TSPAN9: variants seen among roughly 807,000 people sequenced by gnomAD.
TSPAN9 encodes tetraspanin 9, also known as tetraspanin-9.
In TSPAN9, 16 loss-of-function variants were observed where a neutral mutation model predicts 31.0. The ratio of observed to expected loss-of-function variants is 0.52; its 90% confidence interval spans 0.35 to 0.78. The LOEUF (loss-of-function observed/expected upper bound fraction) is 0.78. TSPAN9 is among the 30% of genes least tolerant of loss of function. The probability of loss-of-function intolerance (pLI) is 0.01; values close to 1 mark genes in which losing one functional copy is unlikely to be tolerated. For synonymous variants in TSPAN9, 145 were observed against 121.6 expected, an observed-to-expected ratio of 1.19 and a Z score of -1.27; for missense variants, 272 against 312.5, an observed-to-expected ratio of 0.87 and a Z score of 0.98.
intron 3 of TSPAN9, among the ~76,000 whole-genome samples, chr12:3,270,730 G>C (rs572153628): frequency 6.6e-6 from 1 of 152,262 alleles, no homozygotes; most frequent in Non-Finnish European, 1.5e-5. Context: ...CCCCTGGAGG[G>C]GGGTAGGGGC....
At chr12:3,109,228 T>G (rs141599793) in intron 2 of TSPAN9, among the ~76,000 whole-genome samples, 3,414 of 148,822 alleles carry the variant, frequency 0.023, 94 homozygotes, top group African/African-American at 0.058. Flanking sequence ...GAGCCACCGC[T>G]CCTGGCCAGG....
intron 2 of TSPAN9, among the ~76,000 whole-genome samples, chr12:3,182,938 T>C (rs1336637069): frequency 6.6e-6 from 1 of 152,184 alleles, no homozygotes; most frequent in East Asian, 1.9e-4. Flanking sequence ...CAGGGCCGCA[T>C]GGTCGGAGAC....
chr12:3,235,120 TTG>T (rs2098392696), intron 3 of TSPAN9, among the ~76,000 whole-genome samples: 1 of 74,850 alleles, frequency 1.3e-5, no homozygotes, highest in Non-Finnish European at 3.1e-5. Flanking sequence ...TGAGCGGAGC[TTG>T]CAGTGAGCAG....
rs1285052177 is a variant in TSPAN9, at chr12:3,147,805, T to A, written c.-17-53372T>A. ...AGTAGTTTTCACCTGCAGTGTTGGC[T>A]CACACTGGTGGGTGCCCTTTGGTGA... On this transcript the variant is annotated intron_variant, in intron 2 of 8. Transcript: ENST00000011898. This position sits in a 1 kb window ranked among gnomAD's most constrained non-coding sequence, Gnocchi z 4.3. Among the ~76,000 whole-genome samples the A allele has an allele frequency of 6.6e-6, 1 of 152,206 alleles. No homozygotes were observed. The highest frequency in any genetic ancestry group is 1.9e-4 in the East Asian group (1 of 5,186).
intron 2 of TSPAN9, among the ~76,000 whole-genome samples, chr12:3,090,720 C>T (rs1261761518): frequency 2.6e-5 from 4 of 152,088 alleles, no homozygotes; most frequent in Admixed American, 6.5e-5. Context: ...AGGACGCGGA[C>T]GTGCGATCCC....
chr12:3,198,565 TCAC>T (rs2098368810), intron 2 of TSPAN9, among the ~76,000 whole-genome samples: 3 of 51,704 alleles, frequency 5.8e-5, no homozygotes, highest in African/African-American at 2.6e-4. Flanking sequence ...CCAGCACAGG[TCAC>T]CACCAGCACA....
intron 2 of TSPAN9, among the ~76,000 whole-genome samples, chr12:3,086,520 C>G (rs2098300594): frequency 1.3e-5 from 2 of 152,296 alleles, no homozygotes; most frequent in Admixed American, 1.3e-4. Flanking sequence ...TTTAGAACAT[C>G]TGATCTTGTG....
At chr12:3,244,471 C>T (rs959388607) in intron 3 of TSPAN9, among the ~76,000 whole-genome samples, 1 of 152,208 alleles carries the variant, frequency 6.6e-6, no homozygotes, top group African/African-American at 2.4e-5. Flanking sequence ...TCCCAGCCCC[C>T]TGCAGATGGC....
intron 2 of TSPAN9, among the ~76,000 whole-genome samples, chr12:3,189,534 G>T (rs934792252): frequency 3.9e-5 from 6 of 152,118 alleles, no homozygotes; most frequent in African/African-American, 1.4e-4. Context: ...GCCCAGTCAC[G>T]TGTGACTGGG....
intron 2 of TSPAN9, among the ~76,000 whole-genome samples, chr12:3,177,674 T>A (rs989662507): frequency 1.3e-5 from 2 of 152,064 alleles, no homozygotes; most frequent in Non-Finnish European, 2.9e-5. Context: ...CTCAGGTGAT[T>A]TGCCTGCCTC....
chr12:3,250,929 G>T (rs1433798729), intron 3 of TSPAN9, among the ~76,000 whole-genome samples: 1 of 152,228 alleles, frequency 6.6e-6, no homozygotes, highest in African/African-American at 2.4e-5. Flanking sequence ...GGCATATGGG[G>T]ATGGCACTGG....
At chr12:3,206,936 G>C (rs1228657530) in intron 3 of TSPAN9, among the ~76,000 whole-genome samples, 1 of 152,146 alleles carries the variant, frequency 6.6e-6, no homozygotes, top group African/African-American at 2.4e-5. Flanking sequence ...CAGGGAGAAG[G>C]GTGGGAAGAG....
Position 3,081,844 on chromosome 12 carries a change from G to GTGTGTGTGTGTGTGTATA in TSPAN9, c.-84-1808_-84-1807insGTGTGTGTGTGTGTATAT, listed in dbSNP as rs57812985. Among the ~76,000 whole-genome samples the GTGTGTGTGTGTGTGTATA allele has an allele frequency of 4.3e-3, 499 of 116,756 alleles. 10 individuals are homozygous for GTGTGTGTGTGTGTGTATA. The highest frequency in any genetic ancestry group is 5.7e-3 in the Non-Finnish European group (342 of 59,826). The allele number at this position is 116,756 out of a possible 152,430, so 76.6% of individuals were successfully genotyped here. A position where few individuals can be genotyped will look rare whatever the true frequency, so the allele number is the denominator to read the frequency against. On this transcript the variant is annotated intron_variant, in intron 1 of 8. Transcript: ENST00000011898. ...TGTGTGTGTGTGTGTGTCTGTGTGTGTATATATATGCCAGGTGTGGTGGTA... is the reference window on the plus strand; with the variant it reads ...TGTGTGTGTGTGTGTGTCTGTGTGTGTGTGTGTGTGTGTGTATATATATATATGCCAGGTGTGGTGGTA...
chr12:3,278,338 T>G (rs1862829215), intron 3 of TSPAN9, 83 bp from the exon 4 acceptor site: 72 of 1,534,188 alleles, frequency 4.7e-5, no homozygotes, highest in South Asian at 2.9e-4. Flanking sequence ...TCTCAGAGCA[T>G]GGGGTGGGGA....
At chr12:3,209,330 C>G (rs2098377111) in intron 3 of TSPAN9, among the ~76,000 whole-genome samples, 1 of 152,110 alleles carries the variant, frequency 6.6e-6, no homozygotes, top group Non-Finnish European at 1.5e-5. Context: ...CTTTCCATGG[C>G]TCTTGGTATT....
intron 3 of TSPAN9, 68 bp downstream of exon 3, chr12:3,201,324 C>T (rs2098371643): frequency 2.8e-6 from 4 of 1,431,360 alleles, no homozygotes; most frequent in Admixed American, 3.4e-5. Context: ...AGCGTGAATA[C>T]CCTCTCCCTC....
intron 1 of TSPAN9, among the ~76,000 whole-genome samples, chr12:3,082,825 A>G (rs1457898439): frequency 6.6e-6 from 1 of 152,188 alleles, no homozygotes; most frequent in Admixed American, 6.6e-5. Context: ...TTCGTCAACT[A>G]GATTGCAAGC....
intron 3 of TSPAN9, among the ~76,000 whole-genome samples, chr12:3,268,221 GCC>G (rs1862576682): frequency 7.4e-6 from 1 of 134,664 alleles, no homozygotes; most frequent in East Asian, 2.5e-4. Flanking sequence ...CCTGCAGCCT[GCC>G]CTCTCTGTGT....
chr12:3,194,383 C>T (rs1018640337), intron 2 of TSPAN9, among the ~76,000 whole-genome samples: 5 of 152,022 alleles, frequency 3.3e-5, no homozygotes, highest in African/African-American at 1.2e-4. Context: ...CCAAACCCTG[C>T]TTGTTTTTTT....
Sources: gnomAD v4.1 joint callset for allele counts (sites outside exome capture counted in the v4.1 genomes callset) on GRCh38, gnomAD v4.1.1 for gene constraint, Gnocchi (gnomAD v3.1) non-coding constraint, MANE v1.5 for transcripts, NCBI Gene and HGNC (gene_info 2026-07-23, HGNC 2026-07-21) for gene names.